The following HPSE2 variants were observed in gnomAD, a reference collection of about 807,000 sequenced individuals.
The protein encoded by HPSE2 is inactive heparanase-2.
A neutral mutation model predicts 60.5 loss-of-function variants in HPSE2; 38 were observed. The ratio of observed to expected loss-of-function variants is 0.63; its 90% CI spans 0.48 to 0.82. The LOEUF (loss-of-function observed/expected upper bound fraction) is 0.82, where lower values mean the gene tolerates loss of function less well. HPSE2 is among the 40% of genes least tolerant of loss of function. The probability of loss-of-function intolerance (pLI) is 0.00; values close to 1 mark genes in which losing one functional copy is unlikely to be tolerated. For synonymous variants in HPSE2, 295 were observed against 293.2 expected (o/e 1.01, Z -0.06); for missense variants, 713 against 740.4 (o/e 0.96, Z 0.43).
chr10:99,293,862 T>C, the HPSE2 span, among the ~76,000 whole-genome samples: 1 of 152,156 alleles, frequency 6.6e-6, no homozygotes, highest in African/African-American at 2.4e-5. Context: ...AAGGTATAAA[T>C]GTCTTATTCT....
chr10:99,032,097 C>T (rs1330496485), intron 3 of HPSE2, among the ~76,000 whole-genome samples: 1 of 152,282 alleles, frequency 6.6e-6, no homozygotes, highest in East Asian at 1.9e-4. Context: ...TCTCCACTTG[C>T]CACATCATAA....
At chr10:98,695,857 A>G (rs1285168977) in intron 5 of HPSE2, among the ~76,000 whole-genome samples, 6 of 152,206 alleles carry the variant, frequency 3.9e-5, no homozygotes, top group Non-Finnish European at 8.8e-5. Context: ...CTAAAGCCAG[A>G]AAGACTCATG....
chr10:98,749,804 G>C (rs1334801988), intron 3 of HPSE2, among the ~76,000 whole-genome samples: 4 of 150,332 alleles, frequency 2.7e-5, no homozygotes, highest in Non-Finnish European at 5.9e-5. Context: ...CAGTAGGTTA[G>C]GTGTATTAAA....
intron 3 of HPSE2, among the ~76,000 whole-genome samples, chr10:98,830,965 T>C (rs2134652377): frequency 6.6e-6 from 1 of 152,342 alleles, no homozygotes. Context: ...TTCCCAGACT[T>C]AGTAAGTAAT....
At chr10:98,731,355 A>C (rs1949223823) in intron 4 of HPSE2, among the ~76,000 whole-genome samples, 1 of 152,204 alleles carries the variant, frequency 6.6e-6, no homozygotes, top group Non-Finnish European at 1.5e-5. Context: ...ACATAGATGT[A>C]AAATCCCCAA....
chr10:98,809,982 G>T lies in HPSE2; in HGVS notation c.611-65926C>A, dbSNP rs550397575. Among the ~76,000 whole-genome samples, 9 of 152,132 alleles carry T rather than the reference G, an allele frequency of 5.9e-5. No homozygotes were observed. The East Asian group carries it at 1.5e-3, about 26-fold the overall frequency. On this transcript the variant is annotated intron_variant, in intron 3 of 11. Coordinates refer to ENST00000370552, the MANE Select transcript of HPSE2 (RefSeq NM_021828.5). ...ACCATAGAAGATTTTCTTGCCCCTCGTTTAGTCCAAATTCATAATTTTTTG... is the reference window on the plus strand; with the variant it reads ...ACCATAGAAGATTTTCTTGCCCCTCTTTTAGTCCAAATTCATAATTTTTTG...
chr10:99,193,104 T>C (rs1341162115), intron 2 of HPSE2, among the ~76,000 whole-genome samples: 3 of 152,088 alleles, frequency 2.0e-5, no homozygotes, highest in African/African-American at 4.8e-5. Context: ...ACATAGACAG[T>C]ACAATAGGAT....
intron 2 of HPSE2, among the ~76,000 whole-genome samples, chr10:99,219,643 G>C (rs750442830): frequency 6.6e-6 from 1 of 152,146 alleles, no homozygotes; most frequent in Non-Finnish European, 1.5e-5. Context: ...CTACGTAAAA[G>C]CCCTGTTATT....
At chr10:98,836,907 C>T (rs1951802573) in intron 3 of HPSE2, among the ~76,000 whole-genome samples, 1 of 152,084 alleles carries the variant, frequency 6.6e-6, no homozygotes. Context: ...GGCATGGTGG[C>T]GTATGCCTGT....
At chr10:98,622,085 T>C (rs1262945317) in intron 7 of HPSE2, among the ~76,000 whole-genome samples, 1 of 152,224 alleles carries the variant, frequency 6.6e-6, no homozygotes, top group Non-Finnish European at 1.5e-5. Flanking sequence ...CTGTAGCAGA[T>C]GTCCACTGCT....
intron 6 of HPSE2, among the ~76,000 whole-genome samples, chr10:98,693,227 C>G (rs914547281): frequency 2.6e-5 from 4 of 152,180 alleles, no homozygotes; most frequent in Non-Finnish European, 5.9e-5. Context: ...TTCCAGTATA[C>G]AATTAGTGAG....
chr10:99,033,989 C>T (rs1957555076), intron 3 of HPSE2, among the ~76,000 whole-genome samples: 1 of 152,082 alleles, frequency 6.6e-6, no homozygotes, highest in Non-Finnish European at 1.5e-5. Context: ...GAATCAAATG[C>T]AAGTGAAGTT....
intron 3 of HPSE2, among the ~76,000 whole-genome samples, chr10:98,803,393 GCC>G (rs1950963891): frequency 6.6e-6 from 1 of 150,792 alleles, no homozygotes; most frequent in African/African-American, 2.5e-5. Context: ...TGAAGTCCTT[GCC>G]CATGCCTATG....
At position 99,232,214 on chromosome 10, in the gene HPSE2, TAC is replaced by T. The variant is rs59437000; in HGVS notation, c.448+132_448+133del. On this transcript the variant is annotated intron_variant, in intron 2 of 11. Coordinates refer to ENST00000370552, the MANE Select transcript of HPSE2 (RefSeq NM_021828.5). ...ATCTGCCCCAACGCGCGCGCGCGCA[TAC>T]ACACACACACACACACACACACACA... 0.11 allele frequency: 94,534 copies of T among 886,264 alleles called. 5,009 individuals are homozygous for T. Among genetic ancestry groups the T allele is most frequent in the Admixed American group, 0.24 (10,540 of 43,762 alleles). The allele number at this position is 886,264 out of a possible 1,614,324, so 54.9% of individuals were successfully genotyped here.
In HPSE2 at chr10:98,676,834, T is replaced by A. The variant is rs79547737; in HGVS notation, c.1004+17066A>T. Among the ~76,000 whole-genome samples, 552 of 152,328 alleles carry A rather than the reference T, an allele frequency of 3.6e-3. 4 individuals carry two copies. Among genetic ancestry groups the A allele is most frequent in the African/African-American group, 0.013 (534 of 41,568 alleles). On this transcript the variant is annotated intron_variant, in intron 6 of 11. Transcript: ENST00000370552. The stretch of plus-strand genomic sequence containing the variant: ...TGGATTTTATTGTGCGTGCATAGTA[T>A]TCTCTTTCTTAAAACAAATCACTCT...
At chr10:99,282,778 C>T in the HPSE2 span, among the ~76,000 whole-genome samples, 1 of 151,988 alleles carries the variant, frequency 6.6e-6, no homozygotes, top group African/African-American at 2.4e-5. Context: ...AAAGAAATCA[C>T]AAGGGAAACT....
intron 3 of HPSE2, among the ~76,000 whole-genome samples, chr10:98,833,837 G>A (rs1377200447): frequency 1.3e-5 from 2 of 152,006 alleles, no homozygotes; most frequent in Non-Finnish European, 2.9e-5. Context: ...ACAATCCTCA[G>A]GTTTTTTGTA....
chr10:98,649,969 C>T (rs1291629599), intron 6 of HPSE2, among the ~76,000 whole-genome samples: 1 of 152,188 alleles, frequency 6.6e-6, no homozygotes, highest in African/African-American at 2.4e-5. Flanking sequence ...AGTTTACTGA[C>T]TACCAAAATT....
intron 3 of HPSE2, among the ~76,000 whole-genome samples, chr10:98,836,118 T>C (rs1210598096): frequency 1.3e-5 from 2 of 152,242 alleles, no homozygotes; most frequent in Non-Finnish European, 2.9e-5. Context: ...TTTTTGTTTC[T>C]GATTTCTACT....
Sources: gnomAD v4.1 joint callset for allele counts (sites outside exome capture counted in the v4.1 genomes callset) on GRCh38, gnomAD v4.1.1 for gene constraint, MANE v1.5 for transcripts, NCBI Gene and HGNC (gene_info 2026-07-23, HGNC 2026-07-21) for gene names.